SPIN1: variants seen among roughly 807,000 people sequenced by gnomAD.
SPIN1 encodes the protein spindlin 1.
SPIN1 carries 3 observed loss-of-function variants against 26.0 expected under a neutral mutation model. That is an observed-to-expected ratio of 0.12 (90% CI 0.05 to 0.30). The LOEUF (loss-of-function observed/expected upper bound fraction) is 0.30. Ranked by LOEUF, SPIN1 falls within the 10% of genes least tolerant of loss-of-function variation. The pLI is 1.00. For synonymous variants in SPIN1, 101 were observed against 116.5 expected (o/e 0.87, Z 0.86); for missense variants, 126 against 333.4 (o/e 0.38, Z 4.84).
chr9:88,467,857 A>C (rs1487438539), intron 4 of SPIN1, among the ~76,000 whole-genome samples: 2 of 122,978 alleles, frequency 1.6e-5, no homozygotes, highest in East Asian at 2.4e-4. Context: ...AAAAAAAAAA[A>C]CAAAAAAAAA....
chr9:88,467,017 G>A (rs1183383465), intron 4 of SPIN1, among the ~76,000 whole-genome samples: 4 of 152,176 alleles, frequency 2.6e-5, no homozygotes, highest in African/African-American at 4.8e-5. Flanking sequence ...GATTACAGGC[G>A]TGAGCCACCG....
intron 2 of SPIN1, among the ~76,000 whole-genome samples, chr9:88,438,455 T>C (rs1243362239): frequency 6.6e-6 from 1 of 152,206 alleles, no homozygotes; most frequent in Non-Finnish European, 1.5e-5. Context: ...GAAACTGTTT[T>C]ACAGTTCATA....
At chr9:88,403,420 C>G (rs1827229857) in intron 1 of SPIN1, among the ~76,000 whole-genome samples, 1 of 152,136 alleles carries the variant, frequency 6.6e-6, no homozygotes, top group African/African-American at 2.4e-5. Context: ...GTATTTAGAG[C>G]TATGTATCAA....
At chr9:88,465,771 G>A (rs769681368) in intron 4 of SPIN1, among the ~76,000 whole-genome samples, 1 of 152,184 alleles carries the variant, frequency 6.6e-6, no homozygotes, top group Non-Finnish European at 1.5e-5. Context: ...GGAGCTAACT[G>A]TTGAATTCTG....
intron 4 of SPIN1, among the ~76,000 whole-genome samples, chr9:88,464,365 C>T (rs764867629): frequency 1.3e-5 from 2 of 152,174 alleles, no homozygotes; most frequent in Non-Finnish European, 2.9e-5. Context: ...TTACGTTTTA[C>T]GTCGGAAGCA....
intron 1 of SPIN1, among the ~76,000 whole-genome samples, chr9:88,398,853 C>T (rs1587771409): frequency 1.3e-5 from 2 of 152,074 alleles, no homozygotes; most frequent in Non-Finnish European, 2.9e-5. Flanking sequence ...AGGCGTGAGC[C>T]ACCGTGCCCG....
At chr9:88,405,625 C>T (rs1277946728) in intron 1 of SPIN1, among the ~76,000 whole-genome samples, 1 of 148,662 alleles carries the variant, frequency 6.7e-6, no homozygotes, top group Admixed American at 6.8e-5. Flanking sequence ...CTCACTGCAG[C>T]CTCCGCCTCC....
chr9:88,423,832 C>T (rs923894976), intron 1 of SPIN1, among the ~76,000 whole-genome samples: 4 of 151,322 alleles, frequency 2.6e-5, no homozygotes, highest in African/African-American at 9.7e-5. Flanking sequence ...GTGGTGTGAT[C>T]TTGGCTCACT....
At chr9:88,414,719 C>G (rs1827524368) in intron 1 of SPIN1, among the ~76,000 whole-genome samples, 1 of 152,124 alleles carries the variant, frequency 6.6e-6, no homozygotes, top group African/African-American at 2.4e-5. Context: ...AGTACTACTA[C>G]TAATACTGTG....
At chr9:88,449,814 ATCGTGAGGCAC>A (rs1828323249) in intron 3 of SPIN1, among the ~76,000 whole-genome samples, 1 of 152,174 alleles carries the variant, frequency 6.6e-6, no homozygotes, top group African/African-American at 2.4e-5. Context: ...CTCCTTGACC[ATCGTGAGGCAC>A]TCTTAAGAAA....
chr9:88,406,573 T>G (rs1051314221), intron 1 of SPIN1, among the ~76,000 whole-genome samples: 21 of 152,224 alleles, frequency 1.4e-4, no homozygotes, highest in African/African-American at 5.1e-4. Context: ...ATTACAGGCT[T>G]GAGCCACTGT....
intron 5 of SPIN1, 93 bp from the exon 6 acceptor site, chr9:88,474,985 T>C (rs912247133): frequency 6.3e-6 from 8 of 1,276,684 alleles, no homozygotes; most frequent in East Asian, 2.6e-5. Flanking sequence ...TTTTAAGTTA[T>C]GAAAATAAAT....
In SPIN1 at chr9:88,477,706, A is replaced by G. The variant is rs1482800357; in HGVS notation, c.*2429A>G. The G allele has an allele frequency of 6.6e-6, 1 of 152,590 alleles. No individual in the cohort carries two copies. Among genetic ancestry groups the G allele is most frequent in the African/African-American group, 2.4e-5 (1 of 41,430 alleles). The allele number at this position is 152,590 out of a possible 1,614,324, so 9.5% of individuals were successfully genotyped here. A position where few individuals can be genotyped will look rare whatever the true frequency, so the allele number is the denominator to read the frequency against. ...TTGCTTGCATTTTTCTGGTATCTGA[A>G]TGTTGGTTCCTTGTTCCAGGAATTC... On this transcript the variant is annotated 3_prime_UTR_variant, in exon 6 of 6. Coordinates refer to ENST00000375859, the MANE Select transcript of SPIN1 (RefSeq NM_006717.3).
At chr9:88,448,625 G>A (rs886917159) in intron 2 of SPIN1, among the ~76,000 whole-genome samples, 2 of 152,180 alleles carry the variant, frequency 1.3e-5, no homozygotes, top group Non-Finnish European at 2.9e-5. Flanking sequence ...TGGGATTACA[G>A]GGATGAGCCT....
At chr9:88,456,145 C>G (rs551790413) in intron 3 of SPIN1, among the ~76,000 whole-genome samples, 1 of 152,114 alleles carries the variant, frequency 6.6e-6, no homozygotes, top group African/African-American at 2.4e-5. Context: ...ATGGAAACTC[C>G]ACATGGTAAG....
chr9:88,393,444 GGTTTTTTTTTT>G (rs1826976697), intron 1 of SPIN1, among the ~76,000 whole-genome samples: 2 of 116,608 alleles, frequency 1.7e-5, no homozygotes, highest in Admixed American at 8.2e-5. Context: ...CTTGCTTTTG[GGTTTTTTTTTT>G]TTTTTTTTTT....
intron 5 of SPIN1, among the ~76,000 whole-genome samples, chr9:88,470,174 C>A (rs1587817536): frequency 6.6e-6 from 1 of 152,210 alleles, no homozygotes; most frequent in Non-Finnish European, 1.5e-5. Flanking sequence ...AAATACGATT[C>A]CATTGTATGG....
rs184395957 is a variant in SPIN1 at position 88,467,184 on chromosome 9, A to G, written c.356-1188A>G. Among the ~76,000 whole-genome samples the G allele has an allele frequency of 5.9e-4, 90 of 152,330 alleles. 1 individual carries two copies. The Middle Eastern group carries it at 0.014, about 23-fold the overall frequency. ...TTCCAGTATTAAAAAGATGAAGGTG[A>G]TAATTTTCACCACTTTTGAAAAATA... On this transcript the variant is annotated intron_variant, in intron 4 of 5. Transcript: ENST00000375859.
chr9:88,436,515 A>G (rs1828001499), intron 2 of SPIN1, among the ~76,000 whole-genome samples: 1 of 152,054 alleles, frequency 6.6e-6, no homozygotes, highest in East Asian at 1.9e-4. Flanking sequence ...ATTATCACCC[A>G]AAGTCCATAG....
Sources: gnomAD v4.1 joint callset for allele counts (sites outside exome capture counted in the v4.1 genomes callset) on GRCh38, gnomAD v4.1.1 for gene constraint, MANE v1.5 for transcripts, NCBI Gene and HGNC (gene_info 2026-07-23, HGNC 2026-07-21) for gene names.